The following AKT2 variants were observed in gnomAD, a reference collection of about 807,000 sequenced individuals.
The protein encoded by AKT2 is AKT serine/threonine kinase 2, also known as RAC-beta serine/threonine-protein kinase.
Under a neutral mutation model 58.6 loss-of-function variants are expected in AKT2, and 16 were observed. The observed-to-expected ratio is 0.27, with a 90% confidence interval of 0.18 to 0.41. The LOEUF (loss-of-function observed/expected upper bound fraction) is 0.41, where lower values mean the gene tolerates loss of function less well. Among genes scored for constraint, AKT2 ranks in the 10% least tolerant of loss-of-function variants. AKT2 has a pLI of 1.00. For synonymous variants in AKT2, 253 were observed against 254.0 expected, an observed-to-expected ratio of 1.00 and a Z score of 0.04; for missense variants, 438 against 661.0, an observed-to-expected ratio of 0.66 and a Z score of 3.70.
At chr19:40,268,234 T>TC (rs1228077195) in intron 1 of AKT2, among the ~76,000 whole-genome samples, 6 of 152,178 alleles carry the variant, frequency 3.9e-5, no homozygotes, top group African/African-American at 1.4e-4. Context: ...GCTCCATGTC[T>TC]CATCTCCCCT....
At position 40,240,163 on chromosome 19, in the gene AKT2, T is replaced by G. The variant is rs1364075232; in HGVS notation, c.574-53A>C. 4 of 1,566,240 alleles carry G rather than the reference T, an allele frequency of 2.6e-6. No individual in the cohort carries two copies. The South Asian group carries it at 4.4e-5, about 17-fold the overall frequency. On this transcript the variant is annotated intron_variant, in intron 6 of 13. Transcript: ENST00000392038. ...GGTGGGCAACACCACACCTGCCCAC[T>G]CCGCCCCGACGAAGGGGAGCAAGGC... is the stretch of plus-strand genomic sequence containing the variant.
In AKT2 at chr19:40,265,170, A is replaced by G. The variant is rs367655818; in HGVS notation, c.46+52T>C. ...TCTGCCTCTCAGGGCACAGCTTTCC[A>G]GGAGGAGCCAGCGTGGGAGAAAGAA... On this transcript the variant is annotated intron_variant, in intron 2 of 13. Transcript: ENST00000392038. The G allele has an allele frequency of 1.5e-5, 24 of 1,595,620 alleles. No individual in the cohort carries two copies. The African/African-American group carries it at 3.2e-4, about 21-fold the overall frequency.
At chr19:40,265,549 C>G in intron 1 of AKT2, 198 bp from the exon 2 acceptor site, 1 of 686,478 alleles carries the variant, frequency 1.5e-6, no homozygotes. Flanking sequence ...CGACCCCAAT[C>G]TGGGGGAAGC....
intron 4 of AKT2, among the ~76,000 whole-genome samples, chr19:40,245,023 TA>T (rs1974658775): frequency 6.6e-6 from 1 of 152,246 alleles, no homozygotes; most frequent in Non-Finnish European, 1.5e-5. Context: ...TGTCTTGATT[TA>T]ACTGGGCACG....
Position 40,231,547 on chromosome 19 carries a change from T to G in AKT2, c.*2325A>C, listed in dbSNP as rs1973702033. 4.3e-6 allele frequency: 1 copy of G among 233,252 alleles called. No homozygotes were observed. The highest frequency in any genetic ancestry group is 2.2e-5 in the African/African-American group (1 of 45,368). The allele number at this position is 233,252 out of a possible 1,614,324, so 14.4% of individuals were successfully genotyped here. On this transcript the variant is annotated 3_prime_UTR_variant, in exon 14 of 14. Coordinates refer to ENST00000392038, the MANE Select transcript of AKT2 (RefSeq NM_001626.6). ...TTCACTTAAAATCTCAAAGACTCAATGGGTGTGAAGTGCTAACACCTTGCG... is the reference window on the plus strand; with the variant it reads ...TTCACTTAAAATCTCAAAGACTCAAGGGGTGTGAAGTGCTAACACCTTGCG...
rs747638669 is a variant in AKT2, at chr19:40,239,018, C to T, written c.640-45G>A. The T allele has an allele frequency of 5.7e-6, 9 of 1,591,288 alleles. No homozygotes were observed. In the East Asian group the frequency reaches 1.8e-4, roughly 32 times the overall value. On this transcript the variant is annotated intron_variant, in intron 7 of 13. Coordinates refer to ENST00000392038, the MANE Select transcript of AKT2 (RefSeq NM_001626.6). ...GGGTGGGAGGTGGGAGGGAGGAGGG[C>T]TCTGCTGAGCCATGCCAGGGCAGGG... is the stretch of plus-strand genomic sequence containing the variant.
At chr19:40,281,808 C>T (rs1435780266) in intron 1 of AKT2, among the ~76,000 whole-genome samples, 2 of 152,230 alleles carry the variant, frequency 1.3e-5, no homozygotes, top group Admixed American at 6.5e-5. Context: ...CACCATGTGT[C>T]GGGCACTGTT....
At position 40,235,296 on chromosome 19, in the gene AKT2, G is replaced by A. The variant is rs572620353; in HGVS notation, c.1230C>T (p.Leu410=). ...GGACCACGTCCTGCCAGTTGATGCT[G>A]AGGAAGAACCTGTGCTCCATGACCT... is the stretch of plus-strand genomic sequence containing the variant. ...AKEVMEHRFF[L]SINWQDVVQK... is the part of the protein sequence containing the mutation. The change falls in exon 12 of 14, where the codon CTC becomes CTT. Residue 410 remains leucine, a synonymous_variant. Transcript: ENST00000392038. This position sits in a 1 kb window ranked among gnomAD's most constrained non-coding sequence, Gnocchi z 6.3. 2.5e-6 allele frequency: 4 copies of A among 1,614,050 alleles called. No homozygotes were observed. The Admixed American group carries it at 6.7e-5, about 27-fold the overall frequency.
chr19:40,271,253 G>C (rs1270805019), intron 1 of AKT2, among the ~76,000 whole-genome samples: 1 of 140,004 alleles, frequency 7.1e-6, no homozygotes, highest in Non-Finnish European at 1.5e-5. Flanking sequence ...ATATATACAC[G>C]TATATATACA....
chr19:40,261,255 A>G (rs4803323), intron 2 of AKT2, among the ~76,000 whole-genome samples: 149,887 of 152,280 alleles, frequency 0.98, 73,768 homozygotes, highest in East Asian at 1. Context: ...GAGTTCGGCC[A>G]GGCGCAATGG....
At position 40,242,581 on chromosome 19, in the gene AKT2, T is replaced by C. The variant is rs768885006; in HGVS notation, c.394A>G (p.Thr132Ala). ...YKCGSPSDSS[T>A]TEEMEVAVSK... ...ACCGCCACTTCCATCTCCTCAGTCG[T>C]GGAGGAGTCACTGGGGGAGCCACAC... The change falls in exon 5 of 14, where the codon ACG (threonine) becomes GCG (alanine). Residue 132 changes from threonine (T) to alanine (A), a missense_variant. Transcript: ENST00000392038. The surrounding 1 kb of genome is among the most constrained non-coding windows in gnomAD (Gnocchi z 4.3). The C allele has an allele frequency of 2.5e-6, 4 of 1,613,730 alleles. No homozygotes were observed. Among genetic ancestry groups the C allele is most frequent in the African/African-American group, 1.3e-5 (1 of 74,888 alleles).
chr19:40,248,213 G>A (rs1974883400), intron 4 of AKT2, among the ~76,000 whole-genome samples: 1 of 152,192 alleles, frequency 6.6e-6, no homozygotes, highest in African/African-American at 2.4e-5. Flanking sequence ...AGGCACTAGA[G>A]GGTCCTATCA....
chr19:40,237,925 G>A lies in AKT2; in HGVS notation c.831+44C>T, dbSNP rs769010298. On this transcript the variant is annotated intron_variant, in intron 9 of 13. Transcript: ENST00000392038. The surrounding 1 kb of genome is among the most constrained non-coding windows in gnomAD (Gnocchi z 4.5). ...ACTTCCCCAGTGTGAGTCCCATGTG[G>A]TGTGCATGCCACAGGTCAGCCTGGC... 1.9e-6 allele frequency: 3 copies of A among 1,609,662 alleles called. No individual in the cohort carries two copies. The South Asian group carries it at 3.3e-5, about 18-fold the overall frequency.
At chr19:40,271,906 G>T (rs2077222879) in intron 1 of AKT2, among the ~76,000 whole-genome samples, 1 of 152,198 alleles carries the variant, frequency 6.6e-6, no homozygotes, top group Non-Finnish European at 1.5e-5. Context: ...ACCACCAGCT[G>T]ACAACCGCTG....
chr19:40,256,600 CA>C (rs1975558303), intron 3 of AKT2, among the ~76,000 whole-genome samples: 1 of 152,172 alleles, frequency 6.6e-6, no homozygotes, highest in Admixed American at 6.5e-5. Flanking sequence ...AGGCTGTTAC[CA>C]AAGCACAGGA....
chr19:40,277,019 T>C (rs142829720), intron 1 of AKT2, among the ~76,000 whole-genome samples: 60 of 152,230 alleles, frequency 3.9e-4, no homozygotes, highest in Non-Finnish European at 6.3e-4. Context: ...CCAGACCCTG[T>C]CTCAAAAAAA....
chr19:40,275,919 A>AG (rs1196194022), intron 1 of AKT2, among the ~76,000 whole-genome samples: 4 of 151,404 alleles, frequency 2.6e-5, no homozygotes, highest in Non-Finnish European at 5.9e-5. Context: ...AGGCTGAGGC[A>AG]GAGAATCGCT....
In AKT2 at chr19:40,234,744, G is replaced by T; in HGVS notation, c.1366+301C>A. On this transcript the variant is annotated intron_variant, in intron 13 of 13. Transcript: ENST00000392038. The surrounding 1 kb of genome is among the most constrained non-coding windows in gnomAD (Gnocchi z 4.7). ...CCAGCATAGCCCAGCCCTGGGCTGA[G>T]TTCAGAGTAAGAACCCAAACAGCTG... is the stretch of plus-strand genomic sequence containing the variant. 1.6e-6 allele frequency: 1 copy of T among 606,076 alleles called. No homozygotes were observed. Among genetic ancestry groups the T allele is most frequent in the African/African-American group, 1.9e-5 (1 of 54,040 alleles). 37.5% of individuals were successfully genotyped at this position (606,076 alleles called of 1,614,324 possible). A position where few individuals can be genotyped will look rare whatever the true frequency, so the allele number is the denominator to read the frequency against.
chr19:40,239,008 G>C (rs1327147703), intron 7 of AKT2, 35 bp from the exon 8 acceptor site: 15 of 1,603,546 alleles, frequency 9.4e-6, no homozygotes, highest in Non-Finnish European at 1.2e-5. Context: ...GGAGGTGGGA[G>C]GGAGGAGGGC....
Sources: allele counts gnomAD v4.1 joint callset (sites outside exome capture counted in the v4.1 genomes callset), GRCh38; gene constraint gnomAD v4.1.1; non-coding constraint Gnocchi (gnomAD v3.1); transcripts MANE v1.5; gene names NCBI Gene and HGNC (gene_info 2026-07-23, HGNC 2026-07-21).